Variants in KCNQ5 observed in about 807,000 individuals in gnomAD.
KCNQ5 encodes potassium voltage-gated channel subfamily Q member 5.
Under a neutral mutation model 98.2 loss-of-function variants are expected in KCNQ5, and 30 were observed. The ratio of observed to expected loss-of-function variants is 0.31; its 90% CI spans 0.23 to 0.41. The LOEUF (loss-of-function observed/expected upper bound fraction) is 0.41. Among genes scored for constraint, KCNQ5 ranks in the 10% least tolerant of loss-of-function variants. The probability of loss-of-function intolerance (pLI) is 1.00; values close to 1 mark genes in which losing one functional copy is unlikely to be tolerated. For missense variants in KCNQ5, 835 were observed against 1,182.5 expected, an observed-to-expected ratio of 0.71 and a Z score of 4.31; for synonymous variants, 458 against 449.4, an observed-to-expected ratio of 1.02 and a Z score of -0.24.
intron 6 of KCNQ5, among the ~76,000 whole-genome samples, chr6:73,106,625 C>A (rs1286047691): frequency 6.6e-6 from 1 of 152,184 alleles, no homozygotes; most frequent in African/African-American, 2.4e-5. Flanking sequence ...GAACACCAGT[C>A]ATATTTGATT....
At chr6:73,050,674 A>G (rs768438225) in intron 3 of KCNQ5, among the ~76,000 whole-genome samples, 19 of 152,196 alleles carry the variant, frequency 1.2e-4, no homozygotes, top group Non-Finnish European at 2.5e-4. Flanking sequence ...ATCAAAATAC[A>G]GAACTTTTCC....
At chr6:72,636,548 G>T (rs13212962) in intron 1 of KCNQ5, among the ~76,000 whole-genome samples, 4 of 152,150 alleles carry the variant, frequency 2.6e-5, no homozygotes, top group African/African-American at 2.4e-5. Flanking sequence ...TCTCACACCT[G>T]AATGAATCTA....
intron 3 of KCNQ5, among the ~76,000 whole-genome samples, chr6:73,058,524 A>G (rs1245794507): frequency 6.6e-6 from 1 of 152,226 alleles, no homozygotes. Context: ...CGATTGCAGC[A>G]AAAACAAAAA....
chr6:72,654,714 T>C (rs902875571), intron 1 of KCNQ5, among the ~76,000 whole-genome samples: 1 of 152,126 alleles, frequency 6.6e-6, no homozygotes, highest in African/African-American at 2.4e-5. Context: ...ATCATTCTTA[T>C]ATGTTTCAGT....
intron 7 of KCNQ5, among the ~76,000 whole-genome samples, chr6:73,111,828 T>C (rs1775253279): frequency 6.6e-6 from 1 of 152,226 alleles, no homozygotes; most frequent in African/African-American, 2.4e-5. Flanking sequence ...AACAACATAT[T>C]TGTTTAGAAT....
chr6:72,805,836 A>G (rs1308608424), intron 1 of KCNQ5, among the ~76,000 whole-genome samples: 1 of 151,954 alleles, frequency 6.6e-6, no homozygotes, highest in Non-Finnish European at 1.5e-5. Flanking sequence ...TTCCTCTTCA[A>G]TTTCCTTTAT....
At chr6:72,684,479 G>A (rs1419880156) in intron 1 of KCNQ5, among the ~76,000 whole-genome samples, 1 of 152,180 alleles carries the variant, frequency 6.6e-6, no homozygotes, top group Non-Finnish European at 1.5e-5. Flanking sequence ...TTTCATCAGT[G>A]TCTTTGAGAT....
chr6:72,828,198 C>G (rs751855037), intron 1 of KCNQ5, among the ~76,000 whole-genome samples: 5 of 152,012 alleles, frequency 3.3e-5, no homozygotes, highest in Non-Finnish European at 5.9e-5. Context: ...CTCAGGATTG[C>G]TTTGGCTACT....
intron 1 of KCNQ5, among the ~76,000 whole-genome samples, chr6:72,639,200 T>C (rs927067369): frequency 1.3e-5 from 2 of 152,040 alleles, no homozygotes. Context: ...AGAGAAAGAT[T>C]TGCAAAAGGG....
intron 1 of KCNQ5, among the ~76,000 whole-genome samples, chr6:72,681,224 A>G (rs1324569180): frequency 1.3e-5 from 2 of 152,200 alleles, no homozygotes; most frequent in African/African-American, 4.8e-5. Context: ...GTATGTGAGA[A>G]TAAAGCAACG....
rs978966757 is a variant in KCNQ5, at chr6:73,097,158, T to TATATATATATATATATAC, written c.919-8098_919-8097insTATATATATATATATACA. Among the ~76,000 whole-genome samples the TATATATATATATATATAC allele has an allele frequency of 8.8e-4, 130 of 146,980 alleles. No individual in the cohort carries two copies. In the East Asian group the frequency reaches 0.011, roughly 13 times the overall value. ...AATAGATCTCATATATATATATATA[T>TATATATATATATATATAC]ACACACACACATACACATATTGTTC... is the stretch of plus-strand genomic sequence containing the variant. On this transcript the variant is annotated intron_variant, in intron 5 of 13. Coordinates refer to ENST00000370398, the MANE Select transcript of KCNQ5 (RefSeq NM_019842.4).
chr6:73,188,315 C>G (rs548307076), intron 11 of KCNQ5, among the ~76,000 whole-genome samples: 1 of 152,168 alleles, frequency 6.6e-6, no homozygotes, highest in African/African-American at 2.4e-5. Flanking sequence ...TTATCAAGTG[C>G]TATTGAAGAC....
intron 1 of KCNQ5, among the ~76,000 whole-genome samples, chr6:72,655,003 T>G (rs777221683): frequency 5.3e-5 from 8 of 151,490 alleles, no homozygotes; most frequent in Non-Finnish European, 8.8e-5. Flanking sequence ...TTTGTTTCCA[T>G]GTTTAATAGC....
At chr6:72,961,434 G>A (rs1332616895) in intron 1 of KCNQ5, among the ~76,000 whole-genome samples, 2 of 151,756 alleles carry the variant, frequency 1.3e-5, no homozygotes, top group African/African-American at 2.4e-5. Flanking sequence ...TGGCTAACAC[G>A]GTGAAACCCC....
At chr6:72,962,079 G>A (rs1310545553) in intron 1 of KCNQ5, among the ~76,000 whole-genome samples, 2 of 151,528 alleles carry the variant, frequency 1.3e-5, no homozygotes, top group African/African-American at 2.4e-5. Context: ...TTGGGAGACT[G>A]AGGCAGGAGG....
chr6:72,868,384 G>A (rs547342925), intron 1 of KCNQ5, among the ~76,000 whole-genome samples: 16 of 151,956 alleles, frequency 1.1e-4, no homozygotes, highest in Non-Finnish European at 1.9e-4. Flanking sequence ...TGGCCTTTTG[G>A]GTCTCTAAGC....
At chr6:73,023,296 A>G (rs962866007) in intron 2 of KCNQ5, among the ~76,000 whole-genome samples, 5 of 152,254 alleles carry the variant, frequency 3.3e-5, no homozygotes, top group African/African-American at 1.2e-4. Flanking sequence ...AAGACTAAGA[A>G]CACATGGTGT....
In KCNQ5 at chr6:73,192,548, T is replaced by C. The variant is rs1333858793; in HGVS notation, c.1710-17T>C. On this transcript the variant is annotated splice_polypyrimidine_tract_variant and intron_variant, in intron 12 of 13. Coordinates refer to ENST00000370398, the MANE Select transcript of KCNQ5 (RefSeq NM_019842.4). ...CACCTTCAGCCCTCATAATCAGATCTCCTCTTTCTCTGATAGTGTTGATCA... is the reference window on the plus strand; with the variant it reads ...CACCTTCAGCCCTCATAATCAGATCCCCTCTTTCTCTGATAGTGTTGATCA... 1 of 1,595,180 alleles carries C rather than the reference T, an allele frequency of 6.3e-7. No individual in the cohort carries two copies. The highest frequency in any genetic ancestry group is 1.7e-5 in the Admixed American group (1 of 57,426).
chr6:73,164,545 G>C (rs545995755), intron 10 of KCNQ5, among the ~76,000 whole-genome samples: 1 of 152,330 alleles, frequency 6.6e-6, no homozygotes, highest in South Asian at 2.1e-4. Flanking sequence ...TGGGGTACAG[G>C]ATGTTGATGG....
Sources: gnomAD v4.1 joint callset for allele counts (sites outside exome capture counted in the v4.1 genomes callset) on GRCh38, gnomAD v4.1.1 for gene constraint, MANE v1.5 for transcripts, NCBI Gene and HGNC (gene_info 2026-07-23, HGNC 2026-07-21) for gene names.